NCOA3: variants seen among roughly 807,000 people sequenced by gnomAD.
The protein encoded by NCOA3 is CBP-interacting protein.
Under a neutral mutation model 158.8 loss-of-function variants are expected in NCOA3, and 51 were observed. That is an observed-to-expected ratio of 0.32 (90% CI 0.26 to 0.41). The LOEUF (loss-of-function observed/expected upper bound fraction) is 0.41. NCOA3 is among the 10% of genes least tolerant of loss of function. The pLI is 1.00. For synonymous variants in NCOA3, 537 were observed against 592.4 expected, an observed-to-expected ratio of 0.91 and a Z score of 1.36; for missense variants, 1,510 against 1,746.6, an observed-to-expected ratio of 0.86 and a Z score of 2.41.
Position 47,656,396 on chromosome 20 carries a change from T to C in NCOA3, c.*2979T>C, listed in dbSNP as rs1314877030. ...ATTAGGGGTAGGGTATTACAGAAGA[T>C]AATTGGCTTGATGTCCTAGAAGTTC... is the stretch of plus-strand genomic sequence containing the variant. On this transcript the variant is annotated 3_prime_UTR_variant, in exon 23 of 23. Coordinates refer to ENST00000371998, the MANE Select transcript of NCOA3 (RefSeq NM_181659.3). 1 of 152,164 alleles carries C rather than the reference T, an allele frequency of 6.6e-6. No individual in the cohort carries two copies. Among genetic ancestry groups the C allele is most frequent in the Non-Finnish European group, 1.5e-5 (1 of 68,038 alleles). 9.4% of individuals were successfully genotyped at this position (152,164 alleles called of 1,614,324 possible).
At chr20:47,543,161 T>C (rs749633090) in intron 1 of NCOA3, among the ~76,000 whole-genome samples, 1 of 151,872 alleles carries the variant, frequency 6.6e-6, no homozygotes, top group Non-Finnish European at 1.5e-5. Context: ...TGGTGGGAGG[T>C]CTCAGTTTCT....
chr20:47,557,823 C>A (rs2085031129), intron 1 of NCOA3, among the ~76,000 whole-genome samples: 1 of 152,084 alleles, frequency 6.6e-6, no homozygotes, highest in African/African-American at 2.4e-5. Context: ...ATGATTACAA[C>A]TAACAATATA....
intron 2 of NCOA3, among the ~76,000 whole-genome samples, chr20:47,601,806 G>A (rs1342271219): frequency 6.6e-6 from 1 of 152,178 alleles, no homozygotes. Context: ...CATGCAGCTG[G>A]TGGGTTCAAA....
rs1602506739 is a variant in NCOA3, at chr20:47,626,986, A to T, written c.358-16A>T. On this transcript the variant is annotated splice_polypyrimidine_tract_variant and intron_variant, in intron 5 of 22. Coordinates refer to ENST00000371998, the MANE Select transcript of NCOA3 (RefSeq NM_181659.3). ...ATTCAGTCCATAACAGCCTGTATTA[A>T]CATATCCTATTTTAGGCATTGGATG... 1.9e-6 allele frequency: 3 copies of T among 1,603,482 alleles called. No individual in the cohort carries two copies. Among genetic ancestry groups the T allele is most frequent in the Middle Eastern group, 1.7e-4 (1 of 5,966 alleles).
intron 1 of NCOA3, among the ~76,000 whole-genome samples, chr20:47,562,002 T>C (rs2085114974): frequency 6.6e-6 from 1 of 152,156 alleles, no homozygotes; most frequent in Admixed American, 6.6e-5. Flanking sequence ...TGTCATATAG[T>C]TGGAACCATA....
rs759451880 is a variant in NCOA3, at chr20:47,625,374, T to G, written c.257-7T>G. The G allele has an allele frequency of 6.3e-7, 1 of 1,597,588 alleles. No homozygotes were observed. The highest frequency in any genetic ancestry group is 1.1e-5 in the South Asian group (1 of 90,694). On this transcript the variant is annotated splice_polypyrimidine_tract_variant and splice_region_variant and intron_variant, in intron 4 of 22. Coordinates refer to ENST00000371998, the MANE Select transcript of NCOA3 (RefSeq NM_181659.3). ...GTTATTCGTTATACCACCTTCTGTCTTTTCAGGAAAAACTATTTCCAATGA... is the reference window on the plus strand; with the variant it reads ...GTTATTCGTTATACCACCTTCTGTCGTTTCAGGAAAAACTATTTCCAATGA...
intron 1 of NCOA3, among the ~76,000 whole-genome samples, chr20:47,563,160 C>T (rs1445085298): frequency 6.6e-6 from 1 of 152,198 alleles, no homozygotes; most frequent in East Asian, 1.9e-4. Context: ...CTGGATGTTA[C>T]GAATTATTTT....
chr20:47,549,721 G>A (rs3092407), intron 1 of NCOA3, among the ~76,000 whole-genome samples: 151,799 of 152,152 alleles, frequency 1, 75,723 homozygotes, highest in Middle Eastern at 1. Context: ...TCTTTTTTGG[G>A]GACAGAGTCT....
chr20:47,580,150 G>A (rs2085428182), intron 1 of NCOA3, among the ~76,000 whole-genome samples: 1 of 152,108 alleles, frequency 6.6e-6, no homozygotes, highest in African/African-American at 2.4e-5. Context: ...ATTCCTTTGA[G>A]AAGTACGAAG....
chr20:47,570,552 C>G (rs1479538912), intron 1 of NCOA3, among the ~76,000 whole-genome samples: 1 of 152,196 alleles, frequency 6.6e-6, no homozygotes. Context: ...TTCCACCACA[C>G]TTCCAGTTAC....
intron 1 of NCOA3, among the ~76,000 whole-genome samples, chr20:47,564,572 T>G (rs1602409523): frequency 6.6e-6 from 1 of 151,940 alleles, no homozygotes; most frequent in East Asian, 1.9e-4. Flanking sequence ...GGTAGAATAT[T>G]GTAGTGAATA....
chr20:47,551,712 A>G (rs2084930031), intron 1 of NCOA3, among the ~76,000 whole-genome samples: 1 of 152,220 alleles, frequency 6.6e-6, no homozygotes, highest in Admixed American at 6.5e-5. Flanking sequence ...TTTTTTAAAA[A>G]TGGAAAAACA....
Position 47,642,232 on chromosome 20 carries a change from C to T in NCOA3, c.3100C>T (p.Leu1034=). Residue 1034 remains leucine, a synonymous_variant, in exon 17 of 23, where the codon CTG becomes TTG. Transcript: ENST00000371998. ...TTCTAGGCCTCTTCTTAGGAATTCCCTGGATGATCTTGTTGGGCCACCTTC... is the reference window on the plus strand; with the variant it reads ...TTCTAGGCCTCTTCTTAGGAATTCCTTGGATGATCTTGTTGGGCCACCTTC... ...TQNRPLLRNS[L]DDLVGPPSNL... 1 of 1,594,600 alleles carries T rather than the reference C, an allele frequency of 6.3e-7. No homozygotes were observed. Among genetic ancestry groups the T allele is most frequent in the Non-Finnish European group, 8.5e-7 (1 of 1,174,096 alleles).
chr20:47,560,511 A>C (rs1211642119), intron 1 of NCOA3, among the ~76,000 whole-genome samples: 1 of 152,208 alleles, frequency 6.6e-6, no homozygotes, highest in Non-Finnish European at 1.5e-5. Flanking sequence ...TTGTATGCTC[A>C]CCAGCAATGA....
At chr20:47,648,058 G>A (rs1029788212) in intron 18 of NCOA3, among the ~76,000 whole-genome samples, 2 of 151,760 alleles carry the variant, frequency 1.3e-5, no homozygotes, top group South Asian at 4.2e-4. Flanking sequence ...GGGGAGCCAC[G>A]CAAGCCCGGC....
chr20:47,646,530 C>A (rs1030376234), intron 17 of NCOA3, among the ~76,000 whole-genome samples: 9 of 152,266 alleles, frequency 5.9e-5, no homozygotes, highest in Middle Eastern at 3.4e-3. Context: ...ATAAACAAAA[C>A]CAAAAGTTCA....
intron 9 of NCOA3, 178 bp from the exon 10 acceptor site, chr20:47,633,870 G>C: frequency 1.2e-6 from 1 of 850,340 alleles, no homozygotes; most frequent in Non-Finnish European, 1.8e-6. Context: ...TTGTTGGTGA[G>C]GGGTAGGAAA....
Position 47,635,469 on chromosome 20 carries a change from A to G in NCOA3, c.1260A>G (p.Ala420=). 6.2e-7 allele frequency: 1 copy of G among 1,614,122 alleles called. No homozygotes were observed. The highest frequency in any genetic ancestry group is 1.1e-5 in the South Asian group (1 of 91,082). The change falls in exon 11 of 23, where the codon GCA becomes GCG. Residue 420 remains alanine, a synonymous_variant. Transcript: ENST00000371998. ...CGAGCAGCAGGGCCTATGGCTTGGCAGACCCTAGCACCACAGGGCAGATGA... is the reference window on the plus strand; with the variant it reads ...CGAGCAGCAGGGCCTATGGCTTGGCGGACCCTAGCACCACAGGGCAGATGA... ...QMPSSRAYGL[A]DPSTTGQMSG...
chr20:47,615,705 G>C (rs2086120627), intron 2 of NCOA3, among the ~76,000 whole-genome samples: 1 of 152,140 alleles, frequency 6.6e-6, no homozygotes, highest in South Asian at 2.1e-4. Context: ...GTATAGAAAG[G>C]CCTATAGTAT....
Sources: gnomAD v4.1 joint callset for allele counts (sites outside exome capture counted in the v4.1 genomes callset) on GRCh38, gnomAD v4.1.1 for gene constraint, MANE v1.5 for transcripts, NCBI Gene and HGNC (gene_info 2026-07-23, HGNC 2026-07-21) for gene names.